SLC28A1: variants seen among roughly 807,000 people sequenced by gnomAD.
SLC28A1 encodes the protein sodium/nucleoside cotransporter 1.
In SLC28A1, 64 loss-of-function variants were observed where a neutral mutation model predicts 74.8. That is an observed-to-expected ratio of 0.86 (90% CI 0.70 to 1.05). The LOEUF (loss-of-function observed/expected upper bound fraction) is 1.05. Among genes scored for constraint, SLC28A1 ranks in the 50% least tolerant of loss-of-function variants. The pLI is 0.00. For missense variants in SLC28A1, 828 were observed against 822.8 expected, an observed-to-expected ratio of 1.01 and a Z score of -0.08; for synonymous variants, 359 against 335.0, an observed-to-expected ratio of 1.07 and a Z score of -0.78.
At position 84,886,756 on chromosome 15, in the gene SLC28A1, C is replaced by T. The variant is rs1000228073; in HGVS notation, c.-48C>T. The T allele has an allele frequency of 1.6e-5, 16 of 985,364 alleles. No homozygotes were observed. The African/African-American group carries it at 2.8e-4, about 17-fold the overall frequency. 61.0% of individuals were successfully genotyped at this position (985,364 alleles called of 1,614,324 possible). A position where few individuals can be genotyped will look rare whatever the true frequency, so the allele number is the denominator to read the frequency against. ...CCCACAGAGACGTGTGCTTCCCTCT[C>T]TCTCTGAGAGCGACCTGTTAACCGC... On this transcript the variant is annotated 5_prime_UTR_variant, in exon 2 of 19. Coordinates refer to ENST00000394573, the MANE Select transcript of SLC28A1 (RefSeq NM_004213.5).
chr15:84,911,660 G>A (rs1968242438), intron 9 of SLC28A1, among the ~76,000 whole-genome samples: 2 of 152,072 alleles, frequency 1.3e-5, no homozygotes, highest in African/African-American at 4.8e-5. Flanking sequence ...TCAGGAGTTC[G>A]AGACCAGCCT....
At chr15:84,902,793 G>A (rs1417678872) in intron 6 of SLC28A1, among the ~76,000 whole-genome samples, 5 of 150,730 alleles carry the variant, frequency 3.3e-5, no homozygotes, top group African/African-American at 4.9e-5. Context: ...GCCGTAGTGC[G>A]ATCTTGGCTC....
chr15:84,933,389 C>T, intron 13 of SLC28A1, 114 bp downstream of exon 13: 1 of 1,319,606 alleles, frequency 7.6e-7, no homozygotes, highest in South Asian at 1.3e-5. Flanking sequence ...GGGCCCATCT[C>T]TCCACTTTTC....
the SLC28A1 span, among the ~76,000 whole-genome samples, chr15:84,968,155 A>G: frequency 2.0e-5 from 3 of 152,190 alleles, no homozygotes; most frequent in South Asian, 4.1e-4. Flanking sequence ...CATGTGGCCC[A>G]TCTAACCCTT....
chr15:84,886,691 A>T lies in SLC28A1; in HGVS notation c.-113A>T. 3 of 985,512 alleles carry T rather than the reference A, an allele frequency of 3.0e-6. No homozygotes were observed. The highest frequency in any genetic ancestry group is 3.6e-6 in the Non-Finnish European group (3 of 829,966). The allele number at this position is 985,512 out of a possible 1,614,324, so 61.0% of individuals were successfully genotyped here. A position where few individuals can be genotyped will look rare whatever the true frequency, so the allele number is the denominator to read the frequency against. On this transcript the variant is annotated 5_prime_UTR_variant, in exon 2 of 19. Coordinates refer to ENST00000394573, the MANE Select transcript of SLC28A1 (RefSeq NM_004213.5). ...GCCCAGGAATTTCTGCTGAAGTGAC[A>T]AGGCAAGCCAGAGCCAAAGCAGGTT... is the stretch of plus-strand genomic sequence containing the variant.
intron 9 of SLC28A1, among the ~76,000 whole-genome samples, chr15:84,916,633 C>A (rs1969142395): frequency 6.6e-6 from 1 of 152,154 alleles, no homozygotes; most frequent in South Asian, 2.1e-4. Context: ...ACTTGGTATT[C>A]CACAGGCATC....
chr15:84,893,054 T>G (rs1200789425), intron 5 of SLC28A1, among the ~76,000 whole-genome samples: 1 of 150,484 alleles, frequency 6.6e-6, no homozygotes, highest in South Asian at 2.1e-4. Flanking sequence ...TGAGTCCCCA[T>G]CCTGGCCTGC....
intron 6 of SLC28A1, among the ~76,000 whole-genome samples, chr15:84,899,285 G>A (rs746937442): frequency 6.6e-6 from 1 of 151,892 alleles, no homozygotes; most frequent in Admixed American, 6.6e-5. Context: ...AGTTAACCAC[G>A]GCACAACTTC....
At position 84,885,731 on chromosome 15, in the gene SLC28A1, C is replaced by CAAA. The variant is rs34688568; in HGVS notation, c.-132-926_-132-924dup. 5.4e-3 allele frequency among the ~76,000 whole-genome samples: 568 copies of CAAA among 104,242 alleles called. 6 individuals carry two copies. Among genetic ancestry groups the CAAA allele is most frequent in the African/African-American group, 0.015 (420 of 27,820 alleles). 68.4% of individuals were successfully genotyped at this position (104,242 alleles called of 152,430 possible). On this transcript the variant is annotated intron_variant, in intron 1 of 18. Transcript: ENST00000394573. Reference sequence around the variant, plus strand: ...GGGCAACAAGAGTGAAACTCCGTCTCAAAAAAAAAAAAAAAAAGGAGGAAA... The same window carrying CAAA: ...GGGCAACAAGAGTGAAACTCCGTCTCAAAAAAAAAAAAAAAAAAAAGGAGGAAA...
At chr15:84,954,351 C>G in the SLC28A1 span, among the ~76,000 whole-genome samples, 1 of 152,052 alleles carries the variant, frequency 6.6e-6, no homozygotes, top group Non-Finnish European at 1.5e-5. Flanking sequence ...ATGAAAGCAA[C>G]CATTCTTTCC....
At chr15:84,894,876 G>T in intron 5 of SLC28A1, 64 bp from the exon 6 acceptor site, 1 of 1,526,758 alleles carries the variant, frequency 6.5e-7, no homozygotes, top group South Asian at 1.1e-5. Context: ...TCCGCGGGCG[G>T]GGCTGCAGGG....
the SLC28A1 span, among the ~76,000 whole-genome samples, chr15:84,970,120 G>A: frequency 6.6e-6 from 1 of 152,228 alleles, no homozygotes; most frequent in Non-Finnish European, 1.5e-5. Flanking sequence ...AGGGACGCAA[G>A]TTCTTTCCAT....
chr15:84,944,072 G>A (rs192397301), intron 16 of SLC28A1, among the ~76,000 whole-genome samples: 41 of 152,308 alleles, frequency 2.7e-4, no homozygotes, highest in African/African-American at 9.9e-4. Context: ...CAAGGCTTTG[G>A]CCTGCCTGTT....
the SLC28A1 span, among the ~76,000 whole-genome samples, chr15:84,973,477 C>T: frequency 1.9e-4 from 29 of 152,116 alleles, no homozygotes; most frequent in Non-Finnish European, 3.4e-4. Flanking sequence ...GCCAGGGAAG[C>T]GGCACATGCT....
In SLC28A1 at chr15:84,904,216, C is replaced by T. The variant is rs1256370954; in HGVS notation, c.581C>T (p.Ala194Val). 2 of 1,614,090 alleles carry T rather than the reference C, an allele frequency of 1.2e-6. No homozygotes were observed. The highest frequency in any genetic ancestry group is 1.7e-5 in the Admixed American group (1 of 60,032). The stretch of plus-strand genomic sequence containing the variant: ...TGCGTGTTCGTCGCTCTCCTCTTTG[C>T]CTGCTCAAAGCATCATTGCGCAGTG... ...GICVFVALLF[A>V]CSKHHCAVSW... The change falls in exon 7 of 19, where the codon GCC becomes GTC. Residue 194 changes from alanine (A) to valine (V), a missense_variant. Ala to Val is a moderately conservative substitution (Grantham distance 64). Coordinates refer to ENST00000394573, the MANE Select transcript of SLC28A1 (RefSeq NM_004213.5).
chr15:84,895,194 T>A (rs757606842), intron 6 of SLC28A1, 71 bp downstream of exon 6: 31 of 1,593,136 alleles, frequency 1.9e-5, no homozygotes, highest in Non-Finnish European at 2.7e-5. Flanking sequence ...TCCAGGGTTA[T>A]GGCCAGGGCT....
chr15:84,916,821 A>G (rs1304089275), intron 9 of SLC28A1, among the ~76,000 whole-genome samples: 1 of 152,162 alleles, frequency 6.6e-6, no homozygotes, highest in Non-Finnish European at 1.5e-5. Flanking sequence ...TGAGGTCAGG[A>G]GCTCGAGACC....
the SLC28A1 span, among the ~76,000 whole-genome samples, chr15:84,965,221 C>A: frequency 7.9e-5 from 12 of 152,200 alleles, no homozygotes; most frequent in African/African-American, 2.9e-4. Context: ...TTGCTTGGCA[C>A]TTCTCCTTCC....
chr15:84,969,955 A>G, the SLC28A1 span, among the ~76,000 whole-genome samples: 11 of 152,374 alleles, frequency 7.2e-5, no homozygotes, highest in Non-Finnish European at 1.5e-4. Flanking sequence ...ATGGCCTAAT[A>G]TGTAAAGTAC....
Sources: gnomAD v4.1 joint callset for allele counts (sites outside exome capture counted in the v4.1 genomes callset) on GRCh38, gnomAD v4.1.1 for gene constraint, MANE v1.5 for transcripts, NCBI Gene and HGNC (gene_info 2026-07-23, HGNC 2026-07-21) for gene names.